Variants in RUNDC3B observed in about 807,000 individuals in gnomAD.
RUNDC3B encodes RUN domain containing 3B.
A neutral mutation model predicts 58.4 loss-of-function variants in RUNDC3B; 33 were observed. The observed-to-expected ratio is 0.56, with a 90% confidence interval of 0.43 to 0.75. The LOEUF is 0.75. Ranked by LOEUF, RUNDC3B falls within the 30% of genes least tolerant of loss-of-function variation. RUNDC3B has a pLI of 0.00. For synonymous variants in RUNDC3B, 193 were observed against 195.2 expected, an observed-to-expected ratio of 0.99 and a Z score of 0.10; for missense variants, 501 against 535.7, an observed-to-expected ratio of 0.94 and a Z score of 0.64.
intron 6 of RUNDC3B, among the ~76,000 whole-genome samples, chr7:87,768,796 A>T (rs558864118): frequency 5.3e-5 from 8 of 152,030 alleles, no homozygotes; most frequent in African/African-American, 1.7e-4. Context: ...CAACACTCTT[A>T]TCTCAACTTT....
At chr7:87,677,274 AACACACAC>A (rs57009840) in intron 2 of RUNDC3B, among the ~76,000 whole-genome samples, 3 of 135,898 alleles carry the variant, frequency 2.2e-5, no homozygotes, top group Non-Finnish European at 3.1e-5. Flanking sequence ...CAGTGTATAT[AACACACAC>A]ACACACACAC....
Position 87,628,578 on chromosome 7 carries a change from TGC to T in RUNDC3B, c.-244_-243del. The T allele has an allele frequency of 3.3e-6, 1 of 299,326 alleles. No individual in the cohort carries two copies. The highest frequency in any genetic ancestry group is 5.7e-6 in the Non-Finnish European group (1 of 176,604). 18.5% of individuals were successfully genotyped at this position (299,326 alleles called of 1,614,324 possible). On this transcript the variant is annotated 5_prime_UTR_variant, in exon 1 of 11. Transcript: ENST00000394654. ...GCGCGCCGAGGGCGGAGGTGGTGCG[TGC>T]GTGCGTGTGTGTGTGTGTGTGTGTG... is the stretch of plus-strand genomic sequence containing the variant.
chr7:87,684,551 A>G (rs1374984047), intron 2 of RUNDC3B, among the ~76,000 whole-genome samples: 1 of 152,086 alleles, frequency 6.6e-6, no homozygotes, highest in Non-Finnish European at 1.5e-5. Flanking sequence ...GATCGAGACC[A>G]TCCTGGCCAA....
chr7:87,736,300 G>C (rs1482628193), intron 4 of RUNDC3B, among the ~76,000 whole-genome samples: 4 of 152,260 alleles, frequency 2.6e-5, no homozygotes, highest in African/African-American at 9.6e-5. Flanking sequence ...CATCACATTA[G>C]ATAGTATCAA....
intron 2 of RUNDC3B, among the ~76,000 whole-genome samples, chr7:87,651,914 C>A (rs1301785253): frequency 3.9e-5 from 6 of 151,954 alleles, no homozygotes; most frequent in Admixed American, 3.9e-4. Flanking sequence ...ATGCTTTTTT[C>A]TGTTAAATTT....
intron 9 of RUNDC3B, among the ~76,000 whole-genome samples, chr7:87,813,553 C>A (rs1431149068): frequency 6.6e-6 from 1 of 152,006 alleles, no homozygotes; most frequent in Non-Finnish European, 1.5e-5. Context: ...GTCAGAAACT[C>A]ATCTTGAGCT....
At position 87,673,499 on chromosome 7, in the gene RUNDC3B, G is replaced by C. The variant is rs148789565; in HGVS notation, c.238+22562G>C. On this transcript the variant is annotated intron_variant, in intron 2 of 10. Coordinates refer to ENST00000394654, the MANE Select transcript of RUNDC3B (RefSeq NM_001134405.2). ...TTGAGATTCTTTCCTCAGTTTGGTC[G>C]AATCTGCTATTAATACTTGTGATTA... is the stretch of plus-strand genomic sequence containing the variant. Among the ~76,000 whole-genome samples the C allele has an allele frequency of 1.2e-4, 19 of 152,212 alleles. No homozygotes were observed. In the South Asian group the frequency reaches 3.7e-3, roughly 30 times the overall value.
chr7:87,728,441 A>G (rs574039970), intron 4 of RUNDC3B, among the ~76,000 whole-genome samples: 2 of 152,308 alleles, frequency 1.3e-5, no homozygotes, highest in East Asian at 1.9e-4. Context: ...ATTATTTTCC[A>G]ATTCTGAAGA....
At chr7:87,757,424 A>G (rs1833433591) in intron 6 of RUNDC3B, among the ~76,000 whole-genome samples, 1 of 152,172 alleles carries the variant, frequency 6.6e-6, no homozygotes, top group Admixed American at 6.5e-5. Flanking sequence ...AAGGAAAGCA[A>G]TTCCATTTAC....
chr7:87,668,168 A>G (rs1825461491), intron 2 of RUNDC3B, among the ~76,000 whole-genome samples: 1 of 149,570 alleles, frequency 6.7e-6, no homozygotes, highest in South Asian at 2.1e-4. Flanking sequence ...TTCAGAGCTC[A>G]TTATTGGTCT....
chr7:87,817,083 G>A (rs947693903), intron 10 of RUNDC3B, among the ~76,000 whole-genome samples: 2 of 152,054 alleles, frequency 1.3e-5, no homozygotes, highest in African/African-American at 2.4e-5. Flanking sequence ...CTACCTCAGG[G>A]GAACCTGCAT....
intron 6 of RUNDC3B, among the ~76,000 whole-genome samples, chr7:87,749,811 A>G (rs1202674849): frequency 1.3e-5 from 2 of 151,960 alleles, no homozygotes; most frequent in African/African-American, 4.8e-5. Flanking sequence ...TAACATTTTG[A>G]TGGATGGCTT....
chr7:87,707,618 G>A (rs762342748), intron 3 of RUNDC3B, among the ~76,000 whole-genome samples: 7 of 152,032 alleles, frequency 4.6e-5, no homozygotes, highest in Admixed American at 6.6e-5. Flanking sequence ...AGGTTGCAGT[G>A]AGCTTAGATC....
At chr7:87,663,640 C>A (rs1824936009) in intron 2 of RUNDC3B, among the ~76,000 whole-genome samples, 1 of 152,126 alleles carries the variant, frequency 6.6e-6, no homozygotes, top group African/African-American at 2.4e-5. Context: ...AAAAATCTTA[C>A]TGAACTTAGG....
chr7:87,663,080 A>G lies in RUNDC3B; in HGVS notation c.238+12143A>G, dbSNP rs188181067. On this transcript the variant is annotated intron_variant, in intron 2 of 10. Transcript: ENST00000394654. ...TATAGGAAAGCTGCTGACTTTTTGT[A>G]TGTTGATTTTGTATCCTGCAACTTT... Among the ~76,000 whole-genome samples the G allele has an allele frequency of 1.5e-3, 227 of 152,152 alleles. 4 individuals carry two copies. The highest frequency in any genetic ancestry group is 2.3e-3 in the Non-Finnish European group (154 of 67,952).
Position 87,777,934 on chromosome 7 carries a change from T to C in RUNDC3B, c.935T>C (p.Ile312Thr), listed in dbSNP as rs1395522886. 6.2e-7 allele frequency: 1 copy of C among 1,613,020 alleles called. No individual in the cohort carries two copies. ...KLEKEQLEYI[I>T]VELQDQLTVL... is the part of the protein sequence containing the mutation. ...GAGAAGGAACAATTAGAATATATAA[T>C]TGTGGAGCTTCAAGATCAGCTGTAA... Residue 312 changes from isoleucine (I) to threonine (T), a missense_variant, in exon 8 of 11, where the codon ATT becomes ACT. Transcript: ENST00000394654.
At chr7:87,799,864 T>G (rs1836031564) in intron 8 of RUNDC3B, among the ~76,000 whole-genome samples, 1 of 133,728 alleles carries the variant, frequency 7.5e-6, no homozygotes, top group Admixed American at 9.0e-5. Context: ...CCAGCCTGGG[T>G]GACAGAGCGA....
At chr7:87,695,252 A>G (rs1384950646) in intron 2 of RUNDC3B, among the ~76,000 whole-genome samples, 1 of 152,132 alleles carries the variant, frequency 6.6e-6, no homozygotes, top group East Asian at 1.9e-4. Flanking sequence ...TCAAAGCTGG[A>G]TGGTCTAATA....
At chr7:87,730,256 A>T (rs990085809) in intron 4 of RUNDC3B, among the ~76,000 whole-genome samples, 2 of 151,584 alleles carry the variant, frequency 1.3e-5, no homozygotes, top group African/African-American at 4.8e-5. Context: ...AGCCACAGTG[A>T]TGTAGAGAAA....
Sources: gnomAD v4.1 joint callset for allele counts (sites outside exome capture counted in the v4.1 genomes callset) on GRCh38, gnomAD v4.1.1 for gene constraint, MANE v1.5 for transcripts, NCBI Gene and HGNC (gene_info 2026-07-23, HGNC 2026-07-21) for gene names.